Variants in SORL1 observed in about 807,000 individuals in gnomAD.
The protein encoded by SORL1 is sortilin-related receptor.
SORL1 carries 127 observed loss-of-function variants against 273.7 expected under a neutral mutation model. That is an observed-to-expected ratio of 0.46 (90% CI 0.40 to 0.54). The LOEUF is 0.54. Among genes scored for constraint, SORL1 ranks in the 20% least tolerant of loss-of-function variants. The probability of loss-of-function intolerance (pLI) is 0.00; values close to 1 mark genes in which losing one functional copy is unlikely to be tolerated. For synonymous variants in SORL1, 1,031 were observed against 1,067.4 expected (o/e 0.97, Z 0.66); for missense variants, 2,494 against 2,846.1 (o/e 0.88, Z 2.81).
chr11:121,609,481 T>A (rs1863528826), intron 38 of SORL1: 1 of 152,346 alleles, frequency 6.6e-6, no homozygotes, highest in Non-Finnish European at 1.5e-5. Context: ...TACATGTACC[T>A]TGAATTCCGA....
chr11:121,507,687 C>G (rs557613041), intron 6 of SORL1, among the ~76,000 whole-genome samples: 1 of 151,928 alleles, frequency 6.6e-6, no homozygotes, highest in East Asian at 1.9e-4. Context: ...TCCTTTCATA[C>G]TTTATACATG....
chr11:121,481,368 T>C (rs78488130), intron 3 of SORL1, among the ~76,000 whole-genome samples: 19 of 89,212 alleles, frequency 2.1e-4, no homozygotes, highest in Admixed American at 3.7e-4. Flanking sequence ...CTCCCCAGCT[T>C]CTTCCATAGT....
intron 12 of SORL1, among the ~76,000 whole-genome samples, chr11:121,541,180 C>G (rs1315483175): frequency 1.3e-5 from 2 of 151,750 alleles, no homozygotes; most frequent in African/African-American, 4.8e-5. Context: ...TTGGTTTAAC[C>G]CCTAGCCTTT....
intron 47 of SORL1, 176 bp from the exon 48 acceptor site, chr11:121,629,320 G>A (rs1863841508): frequency 1.9e-6 from 1 of 539,490 alleles, no homozygotes; most frequent in South Asian, 2.7e-5. Context: ...GTGGCCAGGA[G>A]GGACAGTGGG....
At chr11:121,560,444 G>A (rs1272885323) in intron 21 of SORL1, among the ~76,000 whole-genome samples, 2 of 152,156 alleles carry the variant, frequency 1.3e-5, no homozygotes, top group African/African-American at 4.8e-5. Flanking sequence ...TTATCTCCCA[G>A]CCATACTATT....
chr11:121,452,408 C>T lies in SORL1; in HGVS notation c.77C>T (p.Ala26Val), dbSNP rs1860813876. 1 of 1,528,192 alleles carries T rather than the reference C, an allele frequency of 6.5e-7. No individual in the cohort carries two copies. The highest frequency in any genetic ancestry group is 8.8e-7 in the Non-Finnish European group (1 of 1,140,960). The allele number at this position is 1,528,192 out of a possible 1,614,324, so 94.7% of individuals were successfully genotyped here. Residue 26 changes from alanine to valine, a missense_variant, in exon 1 of 48, where the codon GCT becomes GTT. By Grantham distance (64) the Ala-to-Val change is moderately conservative. Around this residue, in one of 3 missense-constraint regions of SORL1, gnomAD observed 175 missense variants for 147.1 expected, o/e 1.19. Coordinates refer to ENST00000260197, the MANE Select transcript of SORL1 (RefSeq NM_003105.6). This position sits in a 1 kb window ranked among gnomAD's most constrained non-coding sequence, Gnocchi z 5.3. ...CTGGTCGCACTGCTGCCGCCCGGAG[C>T]TCTCTGCGAAGTCTGGACGCAGAGG... Reference protein sequence around the residue: ...FTLVALLPPGALCEVWTQRLH... With the variant: ...FTLVALLPPGVLCEVWTQRLH...
intron 3 of SORL1, among the ~76,000 whole-genome samples, chr11:121,480,014 C>T (rs1211375246): frequency 6.6e-6 from 1 of 152,170 alleles, no homozygotes; most frequent in South Asian, 2.1e-4. Context: ...GGGTGGGCCC[C>T]GCTGCTTGCC....
intron 20 of SORL1, 74 bp downstream of exon 20, chr11:121,558,911 C>G: frequency 1.3e-6 from 2 of 1,564,090 alleles, no homozygotes; most frequent in Non-Finnish European, 1.7e-6. Context: ...GCCTGCATCC[C>G]TGGGCTTTGC....
intron 14 of SORL1, among the ~76,000 whole-genome samples, chr11:121,549,010 G>T (rs1264041452): frequency 6.6e-6 from 1 of 152,178 alleles, no homozygotes; most frequent in African/African-American, 2.4e-5. Context: ...AAGGGCCTTA[G>T]AACATTCATA....
At chr11:121,515,269 T>A (rs1032188360) in intron 8 of SORL1, among the ~76,000 whole-genome samples, 1 of 152,204 alleles carries the variant, frequency 6.6e-6, no homozygotes, top group Non-Finnish European at 1.5e-5. Context: ...AGATAGAATA[T>A]AAGCAAATAT....
At chr11:121,628,453 T>G (rs886668929) in intron 47 of SORL1, among the ~76,000 whole-genome samples, 2 of 152,168 alleles carry the variant, frequency 1.3e-5, no homozygotes, top group Admixed American at 6.5e-5. Flanking sequence ...TGTGAGAATC[T>G]AATGCTGCCC....
At chr11:121,525,571 C>T (rs988554080) in intron 11 of SORL1, among the ~76,000 whole-genome samples, 10 of 152,314 alleles carry the variant, frequency 6.6e-5, no homozygotes, top group African/African-American at 2.4e-4. Context: ...TTAATTGCTT[C>T]ACATCTTTGC....
At chr11:121,586,127 G>A (rs1226230090) in intron 26 of SORL1, 95 bp from the exon 27 acceptor site, 3 of 938,916 alleles carry the variant, frequency 3.2e-6, no homozygotes, top group Non-Finnish European at 3.5e-6. Context: ...GCCCTCCCCA[G>A]TGGTGGTACC....
chr11:121,555,304 T>C lies in SORL1; in HGVS notation c.2557T>C (p.Phe853Leu), dbSNP rs752388334. The C allele has an allele frequency of 1.9e-6, 3 of 1,613,846 alleles. No individual in the cohort carries two copies. Among genetic ancestry groups the C allele is most frequent in the Non-Finnish European group, 2.5e-6 (3 of 1,179,774 alleles). Residue 853 changes from phenylalanine (F) to leucine (L), a missense_variant, in exon 18 of 48, where the codon TTC becomes CTC. By Grantham distance (22) the Phe-to-Leu change is conservative. Coordinates refer to ENST00000260197, the MANE Select transcript of SORL1 (RefSeq NM_003105.6). ...SQLLYWVDAG[F>L]KKIEVANPDG... ...GCTGCTTTACTGGGTAGATGCAGGC[T>C]TCAAAAAGATTGAGGTATGTGTATT...
intron 29 of SORL1, 128 bp downstream of exon 29, chr11:121,589,518 C>A: frequency 8.6e-7 from 1 of 1,161,490 alleles, no homozygotes; most frequent in Non-Finnish European, 1.3e-6. Flanking sequence ...GCAGTTGCTG[C>A]CAGTTCCTGA....
intron 5 of SORL1, among the ~76,000 whole-genome samples, chr11:121,494,242 T>C (rs773920011): frequency 1.3e-5 from 2 of 152,214 alleles, no homozygotes; most frequent in African/African-American, 2.4e-5. Flanking sequence ...GTTTATCTCA[T>C]TGAAGCTAAT....
chr11:121,478,940 G>A (rs773360266), intron 3 of SORL1, among the ~76,000 whole-genome samples: 3 of 150,990 alleles, frequency 2.0e-5, no homozygotes, highest in Non-Finnish European at 4.4e-5. Context: ...ACCCACGTGC[G>A]TGTGTGGGTA....
intron 12 of SORL1, among the ~76,000 whole-genome samples, chr11:121,543,224 T>G (rs1039363951): frequency 6.6e-6 from 1 of 151,818 alleles, no homozygotes; most frequent in African/African-American, 2.4e-5. Context: ...AAAAAATTTC[T>G]CTTTTGCTCC....
chr11:121,460,358 G>A (rs1223713225), intron 1 of SORL1, among the ~76,000 whole-genome samples: 1 of 151,702 alleles, frequency 6.6e-6, no homozygotes, highest in Admixed American at 6.6e-5. Context: ...TTCTGACTTT[G>A]GGGGGCTGGT....
Sources: gnomAD v4.1 joint callset for allele counts (sites outside exome capture counted in the v4.1 genomes callset) on GRCh38, gnomAD v4.1.1 for gene constraint, gnomAD v4.1.1 regional missense constraint, Gnocchi (gnomAD v3.1) non-coding constraint, MANE v1.5 for transcripts, NCBI Gene and HGNC (gene_info 2026-07-23, HGNC 2026-07-21) for gene names.